FZD6: variants seen among roughly 807,000 people sequenced by gnomAD.
FZD6 encodes frizzled-6.
A neutral mutation model predicts 61.4 loss-of-function variants in FZD6; 49 were observed. That is an observed-to-expected ratio of 0.80 (90% CI 0.63 to 1.01). FZD6 has a LOEUF of 1.01. Among genes scored for constraint, FZD6 ranks in the 50% least tolerant of loss-of-function variants. FZD6 has a pLI of 0.00. For missense variants in FZD6, 724 were observed against 848.2 expected (o/e 0.85, Z 1.82); for synonymous variants, 265 against 292.2 (o/e 0.91, Z 0.95).
Position 103,331,373 on chromosome 8 carries a change from G to A in FZD6, c.1985G>A (p.Gly662Asp). 6.2e-7 allele frequency: 1 copy of A among 1,612,850 alleles called. No individual in the cohort carries two copies. The highest frequency in any genetic ancestry group is 8.5e-7 in the Non-Finnish European group (1 of 1,178,920). ...ISPKSDITDT[G>D]LAQSNNLQVP... ...CCAAAGAGTGATATTACTGACACTGGCCTGGCACAGAGCAACAATTTGCAG... is the reference window on the plus strand; with the variant it reads ...CCAAAGAGTGATATTACTGACACTGACCTGGCACAGAGCAACAATTTGCAG... The change falls in exon 7 of 7, where the codon GGC becomes GAC. Residue 662 changes from glycine to aspartate, a missense_variant. Transcript: ENST00000358755.
At chr8:103,315,422 G>A (rs973737467) in intron 2 of FZD6, among the ~76,000 whole-genome samples, 1 of 152,156 alleles carries the variant, frequency 6.6e-6, no homozygotes, top group African/African-American at 2.4e-5. Context: ...ATATTACTCA[G>A]CAATTAAAAG....
intron 2 of FZD6, among the ~76,000 whole-genome samples, chr8:103,306,737 C>T (rs1055946017): frequency 1.3e-5 from 2 of 151,836 alleles, no homozygotes; most frequent in Non-Finnish European, 2.9e-5. Flanking sequence ...AATCTCCTGA[C>T]CTCAAGATCC....
Position 103,329,748 on chromosome 8 carries a change from A to G in FZD6, c.1635A>G (p.Lys545=). The G allele has an allele frequency of 6.2e-7, 1 of 1,613,754 alleles. No homozygotes were observed. Among genetic ancestry groups the G allele is most frequent in the South Asian group, 1.1e-5 (1 of 91,070 alleles). Residue 545 remains lysine, a synonymous_variant, in exon 6 of 7, where the codon AAA becomes AAG. Coordinates refer to ENST00000358755, the MANE Select transcript of FZD6 (RefSeq NM_003506.4). ...SKVKHKKKHY[K]PSSHKLKVIS... ...TTAAACACAAAAAGAAGCACTATAAACCAAGTTCACACAAGCTGAAGGTCA... is the reference window on the plus strand; with the variant it reads ...TTAAACACAAAAAGAAGCACTATAAGCCAAGTTCACACAAGCTGAAGGTCA...
intron 5 of FZD6, 23 bp from the exon 6 acceptor site, chr8:103,329,631 TC>T: frequency 6.4e-7 from 1 of 1,557,706 alleles, no homozygotes; most frequent in Non-Finnish European, 8.9e-7. Context: ...TTTGAGTAAA[TC>T]CTCTCCTTCA....
chr8:103,326,033 T>C (rs1314039701), intron 4 of FZD6, among the ~76,000 whole-genome samples: 1 of 152,210 alleles, frequency 6.6e-6, no homozygotes, highest in Non-Finnish European at 1.5e-5. Context: ...TTATGATTAG[T>C]ATAAGGGTGG....
chr8:103,299,940 C>G lies in FZD6; in HGVS notation c.-152-16C>G, dbSNP rs1586497119. 1 of 598,860 alleles carries G rather than the reference C, an allele frequency of 1.7e-6. No individual in the cohort carries two copies. Among genetic ancestry groups the G allele is most frequent in the South Asian group, 1.9e-5 (1 of 52,134 alleles). The allele number at this position is 598,860 out of a possible 1,614,324, so 37.1% of individuals were successfully genotyped here. A position where few individuals can be genotyped will look rare whatever the true frequency, so the allele number is the denominator to read the frequency against. Reference sequence around the variant, plus strand: ...ATGACAAATGTTGCTGATACACCCTCCTTTTGTTTTTACAGTAATTGACCC... The same window carrying G: ...ATGACAAATGTTGCTGATACACCCTGCTTTTGTTTTTACAGTAATTGACCC... On this transcript the variant is annotated splice_polypyrimidine_tract_variant and intron_variant, in intron 1 of 6. Coordinates refer to ENST00000358755, the MANE Select transcript of FZD6 (RefSeq NM_003506.4).
intron 2 of FZD6, among the ~76,000 whole-genome samples, chr8:103,306,592 T>TC (rs1349707816): frequency 7.2e-6 from 1 of 138,708 alleles, no homozygotes; most frequent in Non-Finnish European, 1.5e-5. Context: ...AAGCTCCCTC[T>TC]CCTGGGTTCA....
At position 103,331,468 on chromosome 8, in the gene FZD6, G is replaced by A. The variant is rs1586533643; in HGVS notation, c.2080G>A (p.Val694Met). The A allele has an allele frequency of 1.9e-6, 3 of 1,612,446 alleles. No individual in the cohort carries two copies. Among genetic ancestry groups the A allele is most frequent in the Middle Eastern group, 3.3e-4 (2 of 6,060 alleles). Residue 694 changes from valine (V) to methionine (M), a missense_variant, in exon 7 of 7, where the codon GTG becomes ATG. By Grantham distance (21) the Val-to-Met change is conservative. Transcript: ENST00000358755. Reference protein sequence around the residue: ...TSLLVHPVSGVRKEQGGGCHS... With the variant: ...TSLLVHPVSGMRKEQGGGCHS... ...TCTGCTTGTTCACCCGGTTTCAGGA[G>A]TGAGAAAAGAGCAGGGAGGTGGTTG...
At chr8:103,306,672 T>C (rs1814341343) in intron 2 of FZD6, among the ~76,000 whole-genome samples, 1 of 151,540 alleles carries the variant, frequency 6.6e-6, no homozygotes, top group Non-Finnish European at 1.5e-5. Context: ...CCGGCTAATT[T>C]TTTTGTATTT....
rs1814117049 is a variant in FZD6, at chr8:103,300,205, T to A, written c.98T>A (p.Met33Lys). 6.2e-7 allele frequency: 1 copy of A among 1,608,308 alleles called. No individual in the cohort carries two copies. Among genetic ancestry groups the A allele is most frequent in the South Asian group, 1.1e-5 (1 of 90,984 alleles). The change falls in exon 2 of 7, where the codon ATG becomes AAG. Residue 33 changes from methionine to lysine, a missense_variant. Physicochemically the swap from Met to Lys is moderately conservative, Grantham distance 95. Coordinates refer to ENST00000358755, the MANE Select transcript of FZD6 (RefSeq NM_003506.4). The stretch of plus-strand genomic sequence containing the variant: ...GAACCAATTACTGTTCCCAGATGTA[T>A]GAAAATGGCCTACAACATGACGTTT... ...TCEPITVPRCMKMAYNMTFFP... is the reference protein window; with the variant it reads ...TCEPITVPRCKKMAYNMTFFP...
chr8:103,324,557 G>A lies in FZD6; in HGVS notation c.451G>A (p.Glu151Lys). ...ATTTCTTGGTCCTCAGAAGAAAACA[G>A]AACAAGTCCAAAGAGACATTGGATT... ...TEFLGPQKKT[E>K]QVQRDIGFWC... Residue 151 changes from glutamate to lysine, a missense_variant, in exon 4 of 7, where the codon GAA becomes AAA. Physicochemically the swap from Glu to Lys is moderately conservative, Grantham distance 56. Coordinates refer to ENST00000358755, the MANE Select transcript of FZD6 (RefSeq NM_003506.4). The A allele has an allele frequency of 6.2e-7, 1 of 1,613,106 alleles. No homozygotes were observed. Among genetic ancestry groups the A allele is most frequent in the Non-Finnish European group, 8.5e-7 (1 of 1,179,090 alleles).
At chr8:103,318,232 C>T (rs1378149654) in intron 2 of FZD6, among the ~76,000 whole-genome samples, 1 of 152,096 alleles carries the variant, frequency 6.6e-6, no homozygotes, top group Non-Finnish European at 1.5e-5. Flanking sequence ...AATTCGTGTC[C>T]TAGAAGACAA....
intron 3 of FZD6, 120 bp downstream of exon 3, chr8:103,318,906 A>G (rs1814705452): frequency 9.6e-6 from 7 of 726,686 alleles, no homozygotes; most frequent in East Asian, 2.7e-5. Context: ...CACACTTAAT[A>G]TATGTCAGGC....
intron 3 of FZD6, among the ~76,000 whole-genome samples, chr8:103,319,481 T>C (rs769403879): frequency 1.3e-5 from 2 of 151,930 alleles, no homozygotes; most frequent in African/African-American, 2.4e-5. Flanking sequence ...GTGTAGAGCA[T>C]GGCACCTGTG....
chr8:103,324,500 A>G lies in FZD6; in HGVS notation c.394A>G (p.Thr132Ala), dbSNP rs1397980291. ...ECDRLQYCDETVPVTFDPHTE... is the reference protein window; with the variant it reads ...ECDRLQYCDEAVPVTFDPHTE... ...TTACAGATTACAATACTGTGATGAG[A>G]CTGTTCCTGTAACTTTTGATCCACA... Residue 132 changes from threonine to alanine, a missense_variant, in exon 4 of 7, where the codon ACT (threonine) becomes GCT (alanine). Coordinates refer to ENST00000358755, the MANE Select transcript of FZD6 (RefSeq NM_003506.4). 1.3e-6 allele frequency: 2 copies of G among 1,591,444 alleles called. No individual in the cohort carries two copies. Among genetic ancestry groups the G allele is most frequent in the Non-Finnish European group, 1.7e-6 (2 of 1,159,744 alleles).
At chr8:103,322,045 A>G (rs1409754000) in intron 3 of FZD6, among the ~76,000 whole-genome samples, 1 of 152,194 alleles carries the variant, frequency 6.6e-6, no homozygotes, top group Non-Finnish European at 1.5e-5. Context: ...AGGCCTTTCC[A>G]TATCTCAGCC....
rs567751054 is a variant in FZD6, at chr8:103,302,293, T to C, written c.177+2009T>C. ...TAGTATTCTCTTTTAGTTCCTGTATTTGAATGTCCAAAATCCTATAAGTTG... is the reference window on the plus strand; with the variant it reads ...TAGTATTCTCTTTTAGTTCCTGTATCTGAATGTCCAAAATCCTATAAGTTG... On this transcript the variant is annotated intron_variant, in intron 2 of 6. Transcript: ENST00000358755. 2.0e-5 allele frequency among the ~76,000 whole-genome samples: 3 copies of C among 152,302 alleles called. 1 individual carries two copies. The highest frequency in any genetic ancestry group is 7.2e-5 in the African/African-American group (3 of 41,574).
chr8:103,308,811 A>G (rs1244103367), intron 2 of FZD6, among the ~76,000 whole-genome samples: 1 of 152,156 alleles, frequency 6.6e-6, no homozygotes, highest in Non-Finnish European at 1.5e-5. Context: ...TGACCTGATG[A>G]TCTCTAGATG....
rs1284841979 is a variant in FZD6 at position 103,329,643 on chromosome 8, A to G, written c.1542-12A>G. ...TAATTTGAGTAAATCCTCTCCTTCAATTTTCTTATAGTCCAATCAGTGAAA... is the reference window on the plus strand; with the variant it reads ...TAATTTGAGTAAATCCTCTCCTTCAGTTTTCTTATAGTCCAATCAGTGAAA... On this transcript the variant is annotated splice_polypyrimidine_tract_variant and intron_variant, in intron 5 of 6. Transcript: ENST00000358755. 6.3e-7 allele frequency: 1 copy of G among 1,589,716 alleles called. No individual in the cohort carries two copies. The highest frequency in any genetic ancestry group is 8.6e-7 in the Non-Finnish European group (1 of 1,158,396).
Sources: allele counts gnomAD v4.1 joint callset (sites outside exome capture counted in the v4.1 genomes callset), GRCh38; gene constraint gnomAD v4.1.1; transcripts MANE v1.5; gene names NCBI Gene and HGNC (gene_info 2026-07-23, HGNC 2026-07-21).